Variants in RFWD3 observed in about 807,000 individuals in gnomAD.
RFWD3 encodes the protein E3 ubiquitin-protein ligase RFWD3.
Under a neutral mutation model 87.7 loss-of-function variants are expected in RFWD3, and 65 were observed. That is an observed-to-expected ratio of 0.74 (90% CI 0.61 to 0.91). The LOEUF (loss-of-function observed/expected upper bound fraction) is 0.91, where lower values mean the gene tolerates loss of function less well. Among genes scored for constraint, RFWD3 ranks in the 40% least tolerant of loss-of-function variants. RFWD3 has a pLI of 0.00. For missense variants in RFWD3, 1,078 were observed against 938.5 expected, an observed-to-expected ratio of 1.15 and a Z score of -1.94; for synonymous variants, 433 against 352.8, an observed-to-expected ratio of 1.23 and a Z score of -2.55.
rs1138860 is a variant in RFWD3, at chr16:74,621,736, G to C, written c.*2192C>G. The C allele has an allele frequency of 0.73, 109,106 of 150,230 alleles. 40,141 individuals carry two copies. The highest frequency in any genetic ancestry group is 0.83 in the African/African-American group (33,897 of 40,732). The allele number at this position is 150,230 out of a possible 1,614,324, so 9.3% of individuals were successfully genotyped here. On this transcript the variant is annotated 3_prime_UTR_variant, in exon 13 of 13. Transcript: ENST00000361070. ...TGAGATGGAGTCTTGCTCTGTCACCGAGGCTGGAGTGCAGTGGCGCGATCT... is the reference window on the plus strand; with the variant it reads ...TGAGATGGAGTCTTGCTCTGTCACCCAGGCTGGAGTGCAGTGGCGCGATCT...
intron 7 of RFWD3, among the ~76,000 whole-genome samples, chr16:74,637,504 G>A (rs138389417): frequency 1.2e-3 from 183 of 152,240 alleles, no homozygotes; most frequent in Admixed American, 2.9e-3. Flanking sequence ...GTGGGCTCCT[G>A]TAATCCCAGC....
At chr16:74,666,243 TAAA>T (rs1440161907) in intron 1 of RFWD3, 4 of 152,146 alleles carry the variant, frequency 2.6e-5, no homozygotes, top group African/African-American at 9.7e-5. Flanking sequence ...ACATAGATAT[TAAA>T]TCCCTGTTCT....
rs913391848 is a variant in RFWD3, at chr16:74,622,651, T to A, written c.*1277A>T. On this transcript the variant is annotated 3_prime_UTR_variant, in exon 13 of 13. Coordinates refer to ENST00000361070, the MANE Select transcript of RFWD3 (RefSeq NM_018124.4). ...AATAAAAACGATAACAACTCTTCAATAATCATTTGAGAAAATCAGACTGTT... is the reference window on the plus strand; with the variant it reads ...AATAAAAACGATAACAACTCTTCAAAAATCATTTGAGAAAATCAGACTGTT... The A allele has an allele frequency of 6.6e-6, 1 of 152,202 alleles. No homozygotes were observed. Among genetic ancestry groups the A allele is most frequent in the African/African-American group, 2.4e-5 (1 of 41,456 alleles). The allele number at this position is 152,202 out of a possible 1,614,324, so 9.4% of individuals were successfully genotyped here.
chr16:74,658,505 G>A (rs1961174541), intron 2 of RFWD3, among the ~76,000 whole-genome samples: 1 of 152,158 alleles, frequency 6.6e-6, no homozygotes, highest in African/African-American at 2.4e-5. Context: ...ATGAGTAAAT[G>A]TCAAACACCA....
Position 74,622,769 on chromosome 16 carries a change from A to G in RFWD3, c.*1159T>C, listed in dbSNP as rs2143983018. The stretch of plus-strand genomic sequence containing the variant: ...TGGGTTGGCAAAGTAGTCTGAGGCA[A>G]GGCAAAGAAATACAAACTGAGCCCT... On this transcript the variant is annotated 3_prime_UTR_variant, in exon 13 of 13. Coordinates refer to ENST00000361070, the MANE Select transcript of RFWD3 (RefSeq NM_018124.4). 6.6e-6 allele frequency: 1 copy of G among 152,334 alleles called. No homozygotes were observed. The highest frequency in any genetic ancestry group is 2.1e-4 in the South Asian group (1 of 4,826). The allele number at this position is 152,334 out of a possible 1,614,324, so 9.4% of individuals were successfully genotyped here.
intron 3 of RFWD3, among the ~76,000 whole-genome samples, chr16:74,650,195 T>C (rs756119781): frequency 3.1e-4 from 47 of 152,208 alleles, no homozygotes; most frequent in Non-Finnish European, 4.7e-4. Context: ...AATTTCCATA[T>C]ATATTTAGGT....
In RFWD3 at chr16:74,622,960, G is replaced by C. The variant is rs1366886408; in HGVS notation, c.*968C>G. 6.6e-6 allele frequency: 1 copy of C among 152,178 alleles called. No homozygotes were observed. The highest frequency in any genetic ancestry group is 2.4e-5 in the African/African-American group (1 of 41,444). 9.4% of individuals were successfully genotyped at this position (152,178 alleles called of 1,614,324 possible). A position where few individuals can be genotyped will look rare whatever the true frequency, so the allele number is the denominator to read the frequency against. On this transcript the variant is annotated 3_prime_UTR_variant, in exon 13 of 13. Transcript: ENST00000361070. ...TAGGAACTCTCAAAATGGGAGACAA[G>C]TTCTTCTCATGTTTTCAATAGCAGT...
At position 74,637,758 on chromosome 16, in the gene RFWD3, G is replaced by A. The variant is rs374207252; in HGVS notation, c.1194+98C>T. 1.6e-5 allele frequency: 14 copies of A among 850,698 alleles called. No individual in the cohort carries two copies. In the African/African-American group the frequency reaches 2.2e-4, roughly 13 times the overall value. 52.7% of individuals were successfully genotyped at this position (850,698 alleles called of 1,614,324 possible). ...GTCATGTTCATTTCCTAAACAACTT[G>A]GCAAATCCTATTTGTTTCTGAGATG... On this transcript the variant is annotated intron_variant, in intron 7 of 12. Coordinates refer to ENST00000361070, the MANE Select transcript of RFWD3 (RefSeq NM_018124.4).
chr16:74,624,649 G>A (rs1958869050), intron 12 of RFWD3, among the ~76,000 whole-genome samples: 1 of 152,136 alleles, frequency 6.6e-6, no homozygotes, highest in South Asian at 2.1e-4. Context: ...CACCCACCTT[G>A]GCCTCCCAAA....
At chr16:74,653,539 T>A (rs1960730934) in intron 2 of RFWD3, among the ~76,000 whole-genome samples, 1 of 151,624 alleles carries the variant, frequency 6.6e-6, no homozygotes, top group Admixed American at 6.6e-5. Context: ...ATGGCTGAGT[T>A]TGGTGGCTTA....
Position 74,661,267 on chromosome 16 carries a change from G to C in RFWD3, c.183C>G (p.Ile61Met), listed in dbSNP as rs765959834. 4.3e-6 allele frequency: 7 copies of C among 1,614,150 alleles called. No individual in the cohort carries two copies. In the Admixed American group the frequency reaches 5.0e-5, roughly 12 times the overall value. The change falls in exon 2 of 13, where the codon ATC becomes ATG. Residue 61 changes from isoleucine to methionine, a missense_variant. Transcript: ENST00000361070. The stretch of plus-strand genomic sequence containing the variant: ...GCAGGGGTGGTGTCGCTTGGCTGCT[G>C]ATCACCTCAGCAGGAGCTGGCTGGA... ...SILQPAPAEV[I>M]SSQATPPLLQ... is the part of the protein sequence containing the mutation.
intron 1 of RFWD3, chr16:74,666,454 T>C (rs1961929815): frequency 6.6e-6 from 1 of 152,232 alleles, no homozygotes; most frequent in African/African-American, 2.4e-5. Context: ...AGCCCGAGGC[T>C]AGGCTCTCGG....
At chr16:74,658,533 C>G (rs1340464544) in intron 2 of RFWD3, among the ~76,000 whole-genome samples, 1 of 152,144 alleles carries the variant, frequency 6.6e-6, no homozygotes, top group African/African-American at 2.4e-5. Flanking sequence ...AAATTCATCT[C>G]AAGAAATTCA....
chr16:74,664,222 A>T (rs1439641780), intron 1 of RFWD3: 1 of 152,082 alleles, frequency 6.6e-6, no homozygotes, highest in Non-Finnish European at 1.5e-5. Flanking sequence ...AAGTGCTGGG[A>T]TTACAGGAGT....
chr16:74,657,940 T>C lies in RFWD3; in HGVS notation c.518+2992A>G, dbSNP rs79197706. Among the ~76,000 whole-genome samples, 1,025 of 152,282 alleles carry C rather than the reference T, an allele frequency of 6.7e-3. 9 individuals are homozygous for C. The highest frequency in any genetic ancestry group is 0.029 in the South Asian group (141 of 4,828). On this transcript the variant is annotated intron_variant, in intron 2 of 12. Coordinates refer to ENST00000361070, the MANE Select transcript of RFWD3 (RefSeq NM_018124.4). Reference sequence around the variant, plus strand: ...GTTAGGGTGTTGACACGTATATCAATAGAATTCTACATAGAACCCAGTAAA... The same window carrying C: ...GTTAGGGTGTTGACACGTATATCAACAGAATTCTACATAGAACCCAGTAAA...
At position 74,644,586 on chromosome 16, in the gene RFWD3, C is replaced by T; in HGVS notation, c.942G>A (p.Arg314=). The T allele has an allele frequency of 3.7e-6, 6 of 1,614,184 alleles. No homozygotes were observed. The South Asian group carries it at 5.5e-5, about 15-fold the overall frequency. ...GTCCTTTAAGCCACGTGGAAATGCA[C>T]CTATACCCAAAGAGATGCCCACAGC... The part of the protein sequence containing the change: ...ALRCGHLFGY[R]CISTWLKGQV... Residue 314 remains arginine (R), a synonymous_variant, in exon 5 of 13, where the codon AGG becomes AGA. Coordinates refer to ENST00000361070, the MANE Select transcript of RFWD3 (RefSeq NM_018124.4).
At position 74,630,637 on chromosome 16, in the gene RFWD3, A is replaced by T. The variant is rs1959064943; in HGVS notation, c.1754+144T>A. 8.5e-6 allele frequency: 5 copies of T among 585,704 alleles called. No homozygotes were observed. The East Asian group carries it at 1.5e-4, about 18-fold the overall frequency. The allele number at this position is 585,704 out of a possible 1,614,324, so 36.3% of individuals were successfully genotyped here. ...ACTCTTATTAATAAGAATGTTATTGATTCTGAAGTGAGATCAAGTGGATCT... is the reference window on the plus strand; with the variant it reads ...ACTCTTATTAATAAGAATGTTATTGTTTCTGAAGTGAGATCAAGTGGATCT... On this transcript the variant is annotated intron_variant, in intron 10 of 12. Transcript: ENST00000361070.
intron 2 of RFWD3, among the ~76,000 whole-genome samples, chr16:74,658,785 G>C (rs79323247): frequency 7.5e-5 from 7 of 93,414 alleles, no homozygotes; most frequent in Admixed American, 5.5e-4. Context: ...TTTTTTTTTT[G>C]AGACAGAGAG....
In RFWD3 at chr16:74,657,498, C is replaced by T. The variant is rs375812818; in HGVS notation, c.518+3434G>A. 4.0e-3 allele frequency among the ~76,000 whole-genome samples: 477 copies of T among 118,010 alleles called. 2 individuals carry two copies. Among genetic ancestry groups the T allele is most frequent in the African/African-American group, 0.016 (456 of 29,408 alleles). The allele number at this position is 118,010 out of a possible 152,430, so 77.4% of individuals were successfully genotyped here. ...TTTTTCTTTTTTTTTTTTTTTGAGA[C>T]GGAGTCTCGCTCTGCGGCCCAGGCT... On this transcript the variant is annotated intron_variant, in intron 2 of 12. Coordinates refer to ENST00000361070, the MANE Select transcript of RFWD3 (RefSeq NM_018124.4).
Sources: gnomAD v4.1 joint callset for allele counts (sites outside exome capture counted in the v4.1 genomes callset) on GRCh38, gnomAD v4.1.1 for gene constraint, MANE v1.5 for transcripts, NCBI Gene and HGNC (gene_info 2026-07-23, HGNC 2026-07-21) for gene names.